The following CDC42BPB variants were observed in gnomAD, a reference collection of about 807,000 sequenced individuals.
CDC42BPB encodes CDC42 binding protein kinase beta.
CDC42BPB carries 37 observed loss-of-function variants against 214.9 expected under a neutral mutation model. The observed-to-expected ratio is 0.17, with a 90% CI of 0.13 to 0.23. The LOEUF (loss-of-function observed/expected upper bound fraction) is 0.23. Ranked by LOEUF, CDC42BPB falls within the 10% of genes least tolerant of loss-of-function variation. The pLI is 1.00. For missense variants in CDC42BPB, 1,694 were observed against 2,227.0 expected, an observed-to-expected ratio of 0.76 and a Z score of 4.82; for synonymous variants, 931 against 884.0, an observed-to-expected ratio of 1.05 and a Z score of -0.94.
chr14:102,945,628 G>A (rs1362966858), intron 29 of CDC42BPB, 34 bp downstream of exon 29: 2 of 1,598,134 alleles, frequency 1.3e-6, no homozygotes, highest in Non-Finnish European at 1.7e-6. Context: ...CTGGGCCTGT[G>A]ACATCCCAGG....
Position 102,952,619 on chromosome 14 carries a change from C to G in CDC42BPB, c.3067-16G>C. On this transcript the variant is annotated splice_polypyrimidine_tract_variant and intron_variant, in intron 23 of 36. Coordinates refer to ENST00000361246, the MANE Select transcript of CDC42BPB (RefSeq NM_006035.4). Reference sequence around the variant, plus strand: ...GAGCTTTTGGCTGGAAGGAGAAAATCAAGAACACTGAGGTGAACCATGGAC... The same window carrying G: ...GAGCTTTTGGCTGGAAGGAGAAAATGAAGAACACTGAGGTGAACCATGGAC... The G allele has an allele frequency of 6.2e-7, 1 of 1,610,388 alleles. No individual in the cohort carries two copies. The highest frequency in any genetic ancestry group is 8.5e-7 in the Non-Finnish European group (1 of 1,177,624).
chr14:103,011,325 G>T (rs943311945), intron 2 of CDC42BPB, among the ~76,000 whole-genome samples: 2 of 152,232 alleles, frequency 1.3e-5, no homozygotes, highest in Admixed American at 1.3e-4. Flanking sequence ...GCCACACCGC[G>T]TGTGTCAACA....
rs897606609 is a variant in CDC42BPB at position 102,967,741 on chromosome 14, G to A, written c.2346+512C>T. On this transcript the variant is annotated intron_variant, in intron 16 of 36. Coordinates refer to ENST00000361246, the MANE Select transcript of CDC42BPB (RefSeq NM_006035.4). Reference sequence around the variant, plus strand: ...ATTATGATCGTACGGGACGCCTGTTGTACACACAGTCTATCATTGATGGAA... The same window carrying A: ...ATTATGATCGTACGGGACGCCTGTTATACACACAGTCTATCATTGATGGAA... Among the ~76,000 whole-genome samples the A allele has an allele frequency of 3.3e-5, 5 of 152,312 alleles. No homozygotes were observed. The Middle Eastern group carries it at 0.017, about 518-fold the overall frequency.
intron 21 of CDC42BPB, chr14:102,956,486 G>A: frequency 5.4e-6 from 5 of 930,876 alleles, no homozygotes; most frequent in Non-Finnish European, 6.4e-6. Context: ...CCCAGCCCCT[G>A]ATGGAGGGTT....
chr14:103,033,383 A>G (rs762902237), intron 1 of CDC42BPB, among the ~76,000 whole-genome samples: 1 of 151,900 alleles, frequency 6.6e-6, no homozygotes, highest in Admixed American at 6.6e-5. Flanking sequence ...CACCATGCCC[A>G]GCTAATTTTT....
chr14:103,004,309 G>C lies in CDC42BPB; in HGVS notation c.352-286C>G. On this transcript the variant is annotated intron_variant, in intron 3 of 36. Transcript: ENST00000361246. The surrounding 1 kb of genome is among the most constrained non-coding windows in gnomAD (Gnocchi z 5.3). ...ACACTTAGATTCACCCCACCCTTAT[G>C]TGGATTCCTGACTGGGCTCCTCCCA... is the stretch of plus-strand genomic sequence containing the variant. 1.9e-6 allele frequency: 1 copy of C among 534,130 alleles called. No individual in the cohort carries two copies. The allele number at this position is 534,130 out of a possible 1,614,324, so 33.1% of individuals were successfully genotyped here.
chr14:102,962,212 C>T (rs559941500), intron 20 of CDC42BPB, among the ~76,000 whole-genome samples: 3 of 152,322 alleles, frequency 2.0e-5, no homozygotes, highest in South Asian at 2.1e-4. Context: ...GTGGGAGGAA[C>T]GTCACTGCAC....
At chr14:102,954,138 G>A in intron 23 of CDC42BPB, 60 bp downstream of exon 23, 8 of 1,098,496 alleles carry the variant, frequency 7.3e-6, no homozygotes, top group Non-Finnish European at 9.5e-6. Flanking sequence ...CTAAATAACT[G>A]AGAATAAATA....
At chr14:103,028,504 G>A (rs778512319) in intron 1 of CDC42BPB, among the ~76,000 whole-genome samples, 6 of 152,184 alleles carry the variant, frequency 3.9e-5, no homozygotes, top group Admixed American at 1.3e-4. Context: ...CAGCCTAATC[G>A]TTTTGTGATC....
chr14:103,026,930 A>G (rs1034818931), intron 1 of CDC42BPB, among the ~76,000 whole-genome samples: 4 of 152,138 alleles, frequency 2.6e-5, no homozygotes, highest in Non-Finnish European at 2.9e-5. Flanking sequence ...CTGAAATCAC[A>G]TATCTGATAA....
At chr14:102,961,918 C>T (rs1398008392) in intron 20 of CDC42BPB, among the ~76,000 whole-genome samples, 1 of 152,206 alleles carries the variant, frequency 6.6e-6, no homozygotes, top group African/African-American at 2.4e-5. Context: ...TTGCAACTTA[C>T]ATCACAAACA....
intron 24 of CDC42BPB, among the ~76,000 whole-genome samples, chr14:102,951,048 G>A (rs1437325969): frequency 6.6e-6 from 1 of 152,208 alleles, no homozygotes; most frequent in African/African-American, 2.4e-5. Flanking sequence ...GGTAAGAACA[G>A]TTGCAAGGCA....
At chr14:102,967,008 G>C (rs1893238079) in intron 17 of CDC42BPB, 38 bp downstream of exon 17, 1 of 1,602,732 alleles carries the variant, frequency 6.2e-7, no homozygotes, top group Non-Finnish European at 8.5e-7. Context: ...ACTGAGCAGG[G>C]AGCGGATTCA....
intron 5 of CDC42BPB, among the ~76,000 whole-genome samples, chr14:102,988,394 C>G (rs560105781): frequency 6.6e-6 from 1 of 151,330 alleles, no homozygotes; most frequent in East Asian, 1.9e-4. Flanking sequence ...AATGAGAGGG[C>G]CCATAAGATT....
At position 102,950,546 on chromosome 14, in the gene CDC42BPB, T is replaced by C. The variant is rs34822377; in HGVS notation, c.3229A>G (p.Ile1077Val). The C allele has an allele frequency of 5.1e-4, 821 of 1,611,890 alleles. 2 individuals are homozygous for C. The African/African-American group carries it at 9.1e-3, about 18-fold the overall frequency. The change falls in exon 25 of 37, where the codon ATA becomes GTA. Residue 1077 changes from isoleucine to valine, a missense_variant. Physicochemically the swap from Ile to Val is conservative, Grantham distance 29. Around this residue, in one of 7 missense-constraint regions of CDC42BPB, gnomAD observed 567 missense variants for 790.3 expected, o/e 0.72. Coordinates refer to ENST00000361246, the MANE Select transcript of CDC42BPB (RefSeq NM_006035.4). ...GGCCTCTTGGACTGCTCGGGAGGTATTGGGCACACCTGGGGGGCACCGTCT... is the reference window on the plus strand; with the variant it reads ...GGCCTCTTGGACTGCTCGGGAGGTACTGGGCACACCTGGGGGGCACCGTCT... ...CKDGAPQVCPIPPEQSKRPLG... is the reference protein window; with the variant it reads ...CKDGAPQVCPVPPEQSKRPLG...
At chr14:102,934,745 C>T (rs572489513) in intron 36 of CDC42BPB, among the ~76,000 whole-genome samples, 16 of 152,180 alleles carry the variant, frequency 1.1e-4, no homozygotes, top group East Asian at 3.9e-4. Context: ...GGTGCGGTGG[C>T]TCACACCTGT....
At chr14:102,959,106 C>T (rs1324072455) in intron 21 of CDC42BPB, among the ~76,000 whole-genome samples, 2 of 151,680 alleles carry the variant, frequency 1.3e-5, no homozygotes, top group African/African-American at 2.4e-5. Context: ...AGACCAGCCT[C>T]GCCAATATGG....
intron 1 of CDC42BPB, among the ~76,000 whole-genome samples, chr14:103,022,914 C>G (rs1413233638): frequency 6.6e-6 from 1 of 152,138 alleles, no homozygotes; most frequent in East Asian, 1.9e-4. Flanking sequence ...CAGGCTCCCA[C>G]TGCACCAGTC....
chr14:102,952,677 A>T, intron 23 of CDC42BPB, 74 bp from the exon 24 acceptor site: 1 of 1,559,770 alleles, frequency 6.4e-7, no homozygotes, highest in Non-Finnish European at 8.7e-7. Flanking sequence ...CCTGTGATCC[A>T]GTTTATACAC....
Sources: gnomAD v4.1 joint callset for allele counts (sites outside exome capture counted in the v4.1 genomes callset) on GRCh38, gnomAD v4.1.1 for gene constraint, gnomAD v4.1.1 regional missense constraint, Gnocchi (gnomAD v3.1) non-coding constraint, MANE v1.5 for transcripts, NCBI Gene and HGNC (gene_info 2026-07-23, HGNC 2026-07-21) for gene names.